Variants in PHF20 observed in about 807,000 individuals in gnomAD.
PHF20 encodes the protein PHD finger protein 20, also known as glioma-expressed antigen 2.
PHF20 carries 23 observed loss-of-function variants against 113.5 expected under a neutral mutation model. That is an observed-to-expected ratio of 0.20 (90% CI 0.15 to 0.29). PHF20 has a LOEUF of 0.29. PHF20 is among the 10% of genes least tolerant of loss of function. The pLI is 1.00. For missense variants in PHF20, 943 were observed against 1,219.6 expected (o/e 0.77, Z 3.38); for synonymous variants, 434 against 457.3 (o/e 0.95, Z 0.65).
intron 2 of PHF20, among the ~76,000 whole-genome samples, chr20:35,839,573 C>T (rs937091179): frequency 6.6e-6 from 1 of 152,138 alleles, no homozygotes; most frequent in Non-Finnish European, 1.5e-5. Flanking sequence ...AGGGAATCCT[C>T]TCTTGTCTCC....
chr20:35,807,841 A>C (rs2041911788), intron 2 of PHF20, among the ~76,000 whole-genome samples: 1 of 152,174 alleles, frequency 6.6e-6, no homozygotes, highest in Non-Finnish European at 1.5e-5. Context: ...AGAATCGTTA[A>C]CATTTTAGAT....
intron 9 of PHF20, among the ~76,000 whole-genome samples, chr20:35,896,749 C>T (rs528501110): frequency 5.1e-4 from 71 of 140,004 alleles, no homozygotes; most frequent in African/African-American, 1.7e-3. Flanking sequence ...TGCAGTGAGC[C>T]GAGATCTCAC....
chr20:35,787,761 G>C (rs948575767), intron 1 of PHF20, among the ~76,000 whole-genome samples: 1 of 140,688 alleles, frequency 7.1e-6, no homozygotes, highest in Non-Finnish European at 1.5e-5. Context: ...ATGAGCCACC[G>C]CGCCCAGCCT....
At chr20:35,876,778 C>T (rs964937855) in intron 9 of PHF20, among the ~76,000 whole-genome samples, 9 of 151,146 alleles carry the variant, frequency 6.0e-5, no homozygotes, top group Non-Finnish European at 1.5e-5. Flanking sequence ...AGAGACCAGC[C>T]TGGCCAACAT....
At chr20:35,877,026 A>G (rs1463165140) in intron 9 of PHF20, among the ~76,000 whole-genome samples, 4 of 147,130 alleles carry the variant, frequency 2.7e-5, no homozygotes, top group African/African-American at 1.0e-4. Context: ...AGAATGGCGT[A>G]AACCTGGGAG....
intron 14 of PHF20, chr20:35,928,797 A>T (rs1285776928): frequency 6.6e-6 from 1 of 152,220 alleles, no homozygotes; most frequent in African/African-American, 2.4e-5. Flanking sequence ...CCTTCATCAC[A>T]TCACTGCCAT....
intron 10 of PHF20, among the ~76,000 whole-genome samples, chr20:35,910,131 G>C (rs2055270724): frequency 6.6e-6 from 1 of 152,078 alleles, no homozygotes. Flanking sequence ...TGATATCCTT[G>C]AAAACATCAT....
chr20:35,924,673 A>G (rs982719419), intron 13 of PHF20, among the ~76,000 whole-genome samples: 2 of 151,552 alleles, frequency 1.3e-5, no homozygotes, highest in African/African-American at 4.9e-5. Flanking sequence ...GTTCACTGCA[A>G]CCTTCCTCTC....
intron 15 of PHF20, among the ~76,000 whole-genome samples, chr20:35,934,337 A>G (rs1170470319): frequency 6.6e-6 from 1 of 152,216 alleles, no homozygotes; most frequent in Non-Finnish European, 1.5e-5. Flanking sequence ...AGGACCCCCC[A>G]CATAGAGGCT....
intron 6 of PHF20, among the ~76,000 whole-genome samples, chr20:35,867,229 G>A (rs749925360): frequency 1.6e-4 from 24 of 152,042 alleles, no homozygotes; most frequent in Non-Finnish European, 2.8e-4. Flanking sequence ...AACAGGATCT[G>A]AGCTATTTAG....
intron 1 of PHF20, among the ~76,000 whole-genome samples, chr20:35,780,447 C>T (rs908301721): frequency 2.6e-5 from 4 of 151,534 alleles, no homozygotes; most frequent in East Asian, 1.9e-4. Flanking sequence ...AGGATGGTCT[C>T]GATCTGCTGA....
At chr20:35,907,152 G>T (rs1171125856) in intron 10 of PHF20, among the ~76,000 whole-genome samples, 1 of 152,214 alleles carries the variant, frequency 6.6e-6, no homozygotes, top group Admixed American at 6.5e-5. Flanking sequence ...CCCATAGGTG[G>T]TGGTGATGCT....
chr20:35,850,744 T>G, intron 4 of PHF20: 1 of 555,156 alleles, frequency 1.8e-6, no homozygotes, highest in South Asian at 2.1e-5. Context: ...CCAATTTGTG[T>G]TGTTATATAT....
rs1600853479 is a variant in PHF20, at chr20:35,871,103, C to T, written c.1071C>T (p.Asp357=). The T allele has an allele frequency of 6.2e-7, 1 of 1,612,358 alleles. No individual in the cohort carries two copies. Among genetic ancestry groups the T allele is most frequent in the East Asian group, 2.2e-5 (1 of 44,816 alleles). ...SDLVDTDPLQ[D]TLSSTKESEE... is the part of the protein sequence containing the mutation. ...TGGTTGATACGGATCCTTTGCAAGA[C>T]ACGTTGTCTAGTACCAAGGAATCTG... Residue 357 remains aspartate (D), a synonymous_variant, in exon 8 of 18, where the codon GAC becomes GAT. Transcript: ENST00000374012.
At chr20:35,808,875 AT>A (rs943124992) in intron 2 of PHF20, among the ~76,000 whole-genome samples, 11 of 145,928 alleles carry the variant, frequency 7.5e-5, no homozygotes, top group East Asian at 2.0e-4. Context: ...CCTGGCCCCA[AT>A]TTTTTTTTTT....
Position 35,942,910 on chromosome 20 carries a change from G to A in PHF20, c.2896+1863G>A, listed in dbSNP as rs369001327. ...GCCATCTCAGCTCACTGCAAGCTCC[G>A]CCTCCCGGGTTCACGCCATTCTCCT... is the stretch of plus-strand genomic sequence containing the variant. On this transcript the variant is annotated intron_variant, in intron 17 of 17. Transcript: ENST00000374012. 3.8e-4 allele frequency among the ~76,000 whole-genome samples: 57 copies of A among 151,782 alleles called. No individual in the cohort carries two copies. In the South Asian group the frequency reaches 9.4e-3, roughly 25 times the overall value.
At position 35,899,406 on chromosome 20, in the gene PHF20, C is replaced by A; in HGVS notation, c.1319C>A (p.Ser440Ter). Residue 440 changes from serine to a stop codon, truncating the protein, a stop_gained, in exon 10 of 18, where the codon TCA becomes TAA. Transcript: ENST00000374012. LOFTEE classifies it high-confidence loss of function. ...TTTAAGAAAACAGATGATTTTGGGTCATCTAATGCACCAGCTGTCGACCTA... is the reference window on the plus strand; with the variant it reads ...TTTAAGAAAACAGATGATTTTGGGTAATCTAATGCACCAGCTGTCGACCTA... ...NTFKKTDDFGSSNAPAVDLDH... is the reference protein window; with the variant it reads ...NTFKKTDDFG 6.2e-7 allele frequency: 1 copy of A among 1,611,826 alleles called. No individual in the cohort carries two copies. Among genetic ancestry groups the A allele is most frequent in the South Asian group, 1.1e-5 (1 of 90,756 alleles).
chr20:35,939,698 T>C (rs1377377773), intron 16 of PHF20, among the ~76,000 whole-genome samples: 1 of 152,222 alleles, frequency 6.6e-6, no homozygotes, highest in Non-Finnish European at 1.5e-5. Context: ...TTTTCATCTC[T>C]AACTGCTCAC....
intron 9 of PHF20, among the ~76,000 whole-genome samples, chr20:35,882,662 C>T (rs550140649): frequency 2.0e-5 from 3 of 152,270 alleles, no homozygotes; most frequent in South Asian, 2.1e-4. Context: ...TCTGGGCCTC[C>T]GCCTTGGCCT....
Sources: gnomAD v4.1 joint callset for allele counts (sites outside exome capture counted in the v4.1 genomes callset) on GRCh38, gnomAD v4.1.1 for gene constraint, MANE v1.5 for transcripts, NCBI Gene and HGNC (gene_info 2026-07-23, HGNC 2026-07-21) for gene names.